EDN3: variants seen among roughly 807,000 people sequenced by gnomAD.
EDN3 encodes endothelin 3, also known as endothelin-3.
EDN3 carries 9 observed loss-of-function variants against 21.4 expected under a neutral mutation model. The observed-to-expected ratio is 0.42, with a 90% CI of 0.25 to 0.73. The LOEUF (loss-of-function observed/expected upper bound fraction) is 0.73. Among genes scored for constraint, EDN3 ranks in the 30% least tolerant of loss-of-function variants. The pLI is 0.26. For synonymous variants in EDN3, 133 were observed against 126.2 expected (o/e 1.05, Z -0.36); for missense variants, 327 against 309.4 (o/e 1.06, Z -0.43).
intron 2 of EDN3, among the ~76,000 whole-genome samples, chr20:59,315,889 A>C (rs1161159628): frequency 6.6e-6 from 1 of 152,160 alleles, no homozygotes; most frequent in Non-Finnish European, 1.5e-5. Context: ...TGTTTATGTG[A>C]AATTTCCGGA....
chr20:59,313,306 C>G (rs1234369044), intron 2 of EDN3, among the ~76,000 whole-genome samples: 2 of 152,210 alleles, frequency 1.3e-5, no homozygotes, highest in East Asian at 3.8e-4. Context: ...GGGGCAGACA[C>G]AACCAGTGGC....
At chr20:59,311,670 T>TC (rs397938055) in intron 2 of EDN3, among the ~76,000 whole-genome samples, 13 of 151,756 alleles carry the variant, frequency 8.6e-5, no homozygotes, top group South Asian at 2.1e-4. Context: ...TTTTTTTTTT[T>TC]CCACGTCCTG....
chr20:59,321,096 C>T lies in EDN3; in HGVS notation c.445C>T (p.Leu149=). Residue 149 remains leucine, a synonymous_variant, in exon 3 of 5, where the codon CTG becomes TTG. Coordinates refer to ENST00000337938, the MANE Select transcript of EDN3 (RefSeq NM_207034.3). Reference sequence around the variant, plus strand: ...GTCTGCGGGGCCACTTCCAGGGAATCTGCAGCTCTCACATCGGCCACACTT... The same window carrying T: ...GTCTGCGGGGCCACTTCCAGGGAATTTGCAGCTCTCACATCGGCCACACTT... The part of the protein sequence containing the change: ...KRSAGPLPGN[L]QLSHRPHLRC... 6.2e-7 allele frequency: 1 copy of T among 1,614,236 alleles called. No homozygotes were observed. The highest frequency in any genetic ancestry group is 8.5e-7 in the Non-Finnish European group (1 of 1,180,044).
At chr20:59,311,152 C>T (rs540427619) in intron 2 of EDN3, among the ~76,000 whole-genome samples, 1 of 152,142 alleles carries the variant, frequency 6.6e-6, no homozygotes, top group African/African-American at 2.4e-5. Context: ...CTAATCCCAG[C>T]CCTGGCATCT....
At chr20:59,300,962 A>G in intron 1 of EDN3, 98 bp downstream of exon 1, 2 of 1,420,062 alleles carry the variant, frequency 1.4e-6, no homozygotes, top group Non-Finnish European at 9.6e-7. Context: ...CGTCGCGGGG[A>G]GCAAACTCTT....
chr20:59,320,981 G>A, intron 2 of EDN3, 36 bp from the exon 3 acceptor site: 1 of 1,613,498 alleles, frequency 6.2e-7, no homozygotes, highest in Non-Finnish European at 8.5e-7. Context: ...AGGGAGGCCT[G>A]GGTGTGCTCA....
At chr20:59,324,093 G>A (rs1043635663) in intron 4 of EDN3, among the ~76,000 whole-genome samples, 1 of 152,210 alleles carries the variant, frequency 6.6e-6, no homozygotes, top group African/African-American at 2.4e-5. Context: ...GCCAGGCTGC[G>A]GGAGGGCCCC....
At chr20:59,315,356 G>T (rs1242233873) in intron 2 of EDN3, among the ~76,000 whole-genome samples, 1 of 152,224 alleles carries the variant, frequency 6.6e-6, no homozygotes, top group African/African-American at 2.4e-5. Flanking sequence ...AAGTCACAGA[G>T]CCATGCTTTC....
In EDN3 at chr20:59,322,439, C is replaced by T. The variant is rs761447718; in HGVS notation, c.588+22C>T. 9 of 1,614,040 alleles carry T rather than the reference C, an allele frequency of 5.6e-6. No homozygotes were observed. The highest frequency in any genetic ancestry group is 1.3e-5 in the African/African-American group (1 of 74,910). ...GAAGGTGAGAGGTGCCAACAGAGGCCTGTGTCAAAGGAGGTGAAGATGTGA... is the reference window on the plus strand; with the variant it reads ...GAAGGTGAGAGGTGCCAACAGAGGCTTGTGTCAAAGGAGGTGAAGATGTGA... On this transcript the variant is annotated intron_variant, in intron 4 of 4. Transcript: ENST00000337938. The surrounding 1 kb of genome is among the most constrained non-coding windows in gnomAD (Gnocchi z 4.1).
chr20:59,321,031 A>G lies in EDN3; in HGVS notation c.380A>G (p.Tyr127Cys), dbSNP rs752400458. The G allele has an allele frequency of 1.9e-6, 3 of 1,614,138 alleles. No homozygotes were observed. Among genetic ancestry groups the G allele is most frequent in the Non-Finnish European group, 1.7e-6 (2 of 1,180,022 alleles). The change falls in exon 3 of 5, where the codon TAT becomes TGT. Residue 127 changes from tyrosine to cysteine, a missense_variant. By Grantham distance (194) the Tyr-to-Cys change is radical (BLOSUM62 -2). Coordinates refer to ENST00000337938, the MANE Select transcript of EDN3 (RefSeq NM_207034.3). ...WINTPEQTVP[Y>C]GLSNYRGSFR... ...GTGCTTTGCAGACAGACGGTGCCCTATGGACTGTCCAACTACAGAGGAAGC... is the reference window on the plus strand; with the variant it reads ...GTGCTTTGCAGACAGACGGTGCCCTGTGGACTGTCCAACTACAGAGGAAGC...
rs1469810032 is a variant in EDN3, at chr20:59,324,600, C to A, written c.*141C>A. The A allele has an allele frequency of 2.2e-6, 2 of 900,226 alleles. No individual in the cohort carries two copies. Among genetic ancestry groups the A allele is most frequent in the Non-Finnish European group, 3.1e-6 (2 of 639,448 alleles). 55.8% of individuals were successfully genotyped at this position (900,226 alleles called of 1,614,324 possible). The stretch of plus-strand genomic sequence containing the variant: ...CCAAAGAGTCCCCACTTAACAATAC[C>A]CCCCCCCCACGGCAAGAATGCCCAA... On this transcript the variant is annotated 3_prime_UTR_variant, in exon 5 of 5. Coordinates refer to ENST00000337938, the MANE Select transcript of EDN3 (RefSeq NM_207034.3).
At chr20:59,320,549 G>C (rs1373056545) in intron 2 of EDN3, among the ~76,000 whole-genome samples, 2 of 152,232 alleles carry the variant, frequency 1.3e-5, no homozygotes, top group Non-Finnish European at 2.9e-5. Context: ...GGCCCAGATG[G>C]TACTTCCAGA....
rs574433226 is a variant in EDN3, at chr20:59,322,320, C to T, written c.543-52C>T. 5.6e-6 allele frequency: 9 copies of T among 1,609,198 alleles called. No homozygotes were observed. The highest frequency in any genetic ancestry group is 1.3e-5 in the African/African-American group (1 of 74,910). Reference sequence around the variant, plus strand: ...AAGTCATAATTTGACACCGAAAAACCAGCCACAGGGAAAGGCAGGTTGATT... The same window carrying T: ...AAGTCATAATTTGACACCGAAAAACTAGCCACAGGGAAAGGCAGGTTGATT... On this transcript the variant is annotated intron_variant, in intron 3 of 4. Transcript: ENST00000337938. This position sits in a 1 kb window ranked among gnomAD's most constrained non-coding sequence, Gnocchi z 4.1.
chr20:59,300,944 A>G, intron 1 of EDN3, 80 bp downstream of exon 1: 2 of 1,519,084 alleles, frequency 1.3e-6, no homozygotes, highest in Non-Finnish European at 1.8e-6. Flanking sequence ...AGGCGCGGAG[A>G]AGATGTGCGT....
chr20:59,323,433 AAAG>A (rs1276440721), intron 4 of EDN3, among the ~76,000 whole-genome samples: 1 of 152,230 alleles, frequency 6.6e-6, no homozygotes, highest in Non-Finnish European at 1.5e-5. Flanking sequence ...TTCGTTCAGC[AAAG>A]ACTTGTTGGG....
intron 2 of EDN3, among the ~76,000 whole-genome samples, chr20:59,317,398 A>G (rs1420399646): frequency 2.6e-5 from 4 of 152,238 alleles, no homozygotes; most frequent in Non-Finnish European, 1.5e-5. Context: ...CAGACCAGAT[A>G]AATAACAATA....
chr20:59,310,054 A>G (rs559215985), intron 2 of EDN3, among the ~76,000 whole-genome samples: 6 of 152,332 alleles, frequency 3.9e-5, no homozygotes, highest in Admixed American at 6.5e-5. Flanking sequence ...TTCAATCTGA[A>G]GGCACATGAA....
In EDN3 at chr20:59,301,444, C is replaced by G; in HGVS notation, c.87C>G (p.Gly29=). 6.2e-7 allele frequency: 1 copy of G among 1,612,964 alleles called. No homozygotes were observed. Among genetic ancestry groups the G allele is most frequent in the Non-Finnish European group, 8.5e-7 (1 of 1,180,024 alleles). ...CTTGCTCCCAGTCTGGGGATGCTGGCAGGCGCGGCGTGTCCCAGGCCCCCA... is the reference window on the plus strand; with the variant it reads ...CTTGCTCCCAGTCTGGGGATGCTGGGAGGCGCGGCGTGTCCCAGGCCCCCA... ...FVPCSQSGDA[G]RRGVSQAPTA... is the part of the protein sequence containing the mutation. Residue 29 remains glycine (G), a synonymous_variant, in exon 2 of 5, where the codon GGC becomes GGG. Transcript: ENST00000337938.
chr20:59,309,013 A>C (rs1989619352), intron 2 of EDN3, among the ~76,000 whole-genome samples: 1 of 152,218 alleles, frequency 6.6e-6, no homozygotes, highest in Non-Finnish European at 1.5e-5. Flanking sequence ...GTTGCTGATA[A>C]GCAGCCTGAT....
Sources: gnomAD v4.1 joint callset for allele counts (sites outside exome capture counted in the v4.1 genomes callset) on GRCh38, gnomAD v4.1.1 for gene constraint, Gnocchi (gnomAD v3.1) non-coding constraint, MANE v1.5 for transcripts, NCBI Gene and HGNC (gene_info 2026-07-23, HGNC 2026-07-21) for gene names.